Variants in MRTFB observed in about 807,000 individuals in gnomAD.
MRTFB encodes the protein myocardin-related transcription factor B.
MRTFB carries 29 observed loss-of-function variants against 104.2 expected under a neutral mutation model. That is an observed-to-expected ratio of 0.28 (90% CI 0.21 to 0.38). MRTFB has a LOEUF of 0.38. MRTFB is among the 10% of genes least tolerant of loss of function. The pLI, the probability that MRTFB is intolerant of heterozygous loss-of-function variation, is 1.00. For synonymous variants in MRTFB, 535 were observed against 519.5 expected (o/e 1.03, Z -0.41); for missense variants, 1,270 against 1,341.6 (o/e 0.95, Z 0.83).
At chr16:14,164,629 G>A (rs1299881117) in intron 3 of MRTFB, among the ~76,000 whole-genome samples, 1 of 152,132 alleles carries the variant, frequency 6.6e-6, no homozygotes, top group East Asian at 1.9e-4. Context: ...TTTTATTAGT[G>A]GCTTCACATG....
chr16:14,118,828 G>C (rs942824092), intron 2 of MRTFB, among the ~76,000 whole-genome samples: 2 of 151,798 alleles, frequency 1.3e-5, no homozygotes, highest in Admixed American at 6.6e-5. Flanking sequence ...TTTGAACTTT[G>C]CATAGTATGG....
At chr16:14,024,897 C>G in the MRTFB span, among the ~76,000 whole-genome samples, 1 of 152,166 alleles carries the variant, frequency 6.6e-6, no homozygotes. Flanking sequence ...AACAAAGACA[C>G]AGAGAAGTTA....
At chr16:14,080,078 A>G (rs1596718369) in intron 2 of MRTFB, among the ~76,000 whole-genome samples, 1 of 152,262 alleles carries the variant, frequency 6.6e-6, no homozygotes, top group South Asian at 2.1e-4. Context: ...TATGCCTTTG[A>G]TGACCTTTTA....
intron 2 of MRTFB, among the ~76,000 whole-genome samples, chr16:14,116,130 A>G (rs1167645595): frequency 6.6e-6 from 1 of 151,520 alleles, no homozygotes; most frequent in East Asian, 1.9e-4. Context: ...ATCTGGGCCC[A>G]TTTTACCTCT....
In MRTFB at chr16:14,266,195, T is replaced by C. The variant is rs1466914386; in HGVS notation, c.*4751T>C. The C allele has an allele frequency of 2.6e-5, 4 of 152,264 alleles. No individual in the cohort carries two copies. Among genetic ancestry groups the C allele is most frequent in the African/African-American group, 9.6e-5 (4 of 41,480 alleles). The allele number at this position is 152,264 out of a possible 1,614,324, so 9.4% of individuals were successfully genotyped here. A position where few individuals can be genotyped will look rare whatever the true frequency, so the allele number is the denominator to read the frequency against. ...AAAAGGTATTATCCATTTAAGGTTATAATTTTCACTAAGATGTAGATATTT... is the reference window on the plus strand; with the variant it reads ...AAAAGGTATTATCCATTTAAGGTTACAATTTTCACTAAGATGTAGATATTT... On this transcript the variant is annotated 3_prime_UTR_variant, in exon 17 of 17. Transcript: ENST00000571589.
chr16:14,003,042 C>G, the MRTFB span, among the ~76,000 whole-genome samples: 1 of 152,100 alleles, frequency 6.6e-6, no homozygotes, highest in African/African-American at 2.4e-5. Context: ...GTCCTTACAT[C>G]TTTCTTGCAA....
intron 2 of MRTFB, among the ~76,000 whole-genome samples, chr16:14,101,152 T>C (rs2142057783): frequency 6.6e-6 from 1 of 151,886 alleles, no homozygotes; most frequent in South Asian, 2.1e-4. Flanking sequence ...TGCTAAGTTT[T>C]TCTGATTTTA....
chr16:13,998,871 C>CAAAAAAAAAAAAA, the MRTFB span, among the ~76,000 whole-genome samples: 3 of 29,688 alleles, frequency 1.0e-4, no homozygotes, highest in Non-Finnish European at 2.4e-4. Flanking sequence ...GACTCTGTTT[C>CAAAAAAAAAAAAA]AAAAAAAAAA....
the MRTFB span, among the ~76,000 whole-genome samples, chr16:14,017,691 A>T: frequency 3.2e-5 from 1 of 30,782 alleles, no homozygotes; most frequent in African/African-American, 1.4e-4. Context: ...GTGTGTGTAT[A>T]TATATATATA....
rs1367309804 is a variant in MRTFB, at chr16:14,265,008, G to A, written c.*3564G>A. The A allele has an allele frequency of 6.6e-6, 1 of 152,176 alleles. No homozygotes were observed. The highest frequency in any genetic ancestry group is 2.4e-5 in the African/African-American group (1 of 41,424). The allele number at this position is 152,176 out of a possible 1,614,324, so 9.4% of individuals were successfully genotyped here. A position where few individuals can be genotyped will look rare whatever the true frequency, so the allele number is the denominator to read the frequency against. Reference sequence around the variant, plus strand: ...CCTTTACTGTCCTCAAATGGACTTGGCCTTAGAGACGTGGTAAAGCACTTT... The same window carrying A: ...CCTTTACTGTCCTCAAATGGACTTGACCTTAGAGACGTGGTAAAGCACTTT... On this transcript the variant is annotated 3_prime_UTR_variant, in exon 17 of 17. Transcript: ENST00000571589.
chr16:14,218,250 G>A (rs1327599115), intron 7 of MRTFB, among the ~76,000 whole-genome samples: 2 of 151,960 alleles, frequency 1.3e-5, no homozygotes, highest in Non-Finnish European at 2.9e-5. Context: ...TAGCAGAGAC[G>A]GGGTTTCACC....
chr16:14,124,161 C>G (rs891871819), intron 2 of MRTFB, among the ~76,000 whole-genome samples: 1 of 152,116 alleles, frequency 6.6e-6, no homozygotes, highest in Non-Finnish European at 1.5e-5. Context: ...AAGGAGATTT[C>G]GGGCTGAGAT....
chr16:14,181,676 C>G (rs1026810176), intron 3 of MRTFB, among the ~76,000 whole-genome samples: 3 of 152,054 alleles, frequency 2.0e-5, no homozygotes, highest in Admixed American at 6.5e-5. Context: ...AAACATTGCC[C>G]AGTTGGAAAT....
chr16:14,261,357 A>C lies in MRTFB; in HGVS notation c.3213A>C (p.Ser1071=). ...WLDITMPNSS[S]GLTPLSTTAP... is the part of the protein sequence containing the mutation. ...ACATTACCATGCCCAACTCCTCTTC[A>C]GGACTCACTCCTCTCAGCACCACCG... Residue 1071 remains serine, a synonymous_variant, in exon 17 of 17, where the codon TCA becomes TCC. Coordinates refer to ENST00000571589, the MANE Select transcript of MRTFB (RefSeq NM_001308142.2). 2 of 1,614,158 alleles carry C rather than the reference A, an allele frequency of 1.2e-6. No individual in the cohort carries two copies. The highest frequency in any genetic ancestry group is 2.2e-5 in the East Asian group (1 of 44,878).
chr16:14,009,519 T>G, the MRTFB span: 1 of 152,256 alleles, frequency 6.6e-6, no homozygotes, highest in African/African-American at 2.4e-5. Flanking sequence ...CTTGCCTACT[T>G]GTTCTGCCTA....
At chr16:14,023,666 T>G in the MRTFB span, among the ~76,000 whole-genome samples, 1 of 146,092 alleles carries the variant, frequency 6.8e-6, no homozygotes, top group African/African-American at 2.6e-5. Flanking sequence ...TATGTGTGTG[T>G]GTGTGTGTGT....
In MRTFB at chr16:14,252,517, G is replaced by A. The variant is rs373595425; in HGVS notation, c.2703+15G>A. The A allele has an allele frequency of 3.8e-5, 61 of 1,613,622 alleles. No individual in the cohort carries two copies. In the Middle Eastern group the frequency reaches 4.9e-4, roughly 13 times the overall value. On this transcript the variant is annotated intron_variant, in intron 15 of 16. Transcript: ENST00000571589. ...CTCTGCCAGAGGTAAGTGAGGGCAC[G>A]GTCATGGTGCATAAGGCTATGGTGG...
chr16:14,140,581 T>G lies in MRTFB; in HGVS notation c.-26T>G, dbSNP rs1373122716. The stretch of plus-strand genomic sequence containing the variant: ...GCCGTGTTTAAGAGGCGTCTTACAC[T>G]CCCTGTTGCCAGTGGCTGGAACACA... On this transcript the variant is annotated 5_prime_UTR_variant, in exon 3 of 17. Coordinates refer to ENST00000571589, the MANE Select transcript of MRTFB (RefSeq NM_001308142.2). 1 of 1,613,674 alleles carries G rather than the reference T, an allele frequency of 6.2e-7. No homozygotes were observed. The highest frequency in any genetic ancestry group is 8.5e-7 in the Non-Finnish European group (1 of 1,179,710).
intron 8 of MRTFB, among the ~76,000 whole-genome samples, chr16:14,226,488 A>G (rs1225258127): frequency 6.6e-6 from 1 of 152,248 alleles, no homozygotes; most frequent in East Asian, 1.9e-4. Context: ...CATGCAAAAA[A>G]GAATGAAGTT....
Sources: allele counts gnomAD v4.1 joint callset (sites outside exome capture counted in the v4.1 genomes callset), GRCh38; gene constraint gnomAD v4.1.1; transcripts MANE v1.5; gene names NCBI Gene and HGNC (gene_info 2026-07-23, HGNC 2026-07-21).